TRMT9B: variants seen among roughly 807,000 people sequenced by gnomAD.
TRMT9B encodes tRNA methyltransferase 9B (putative), also known as probable tRNA methyltransferase 9B.
Under a neutral mutation model 11.5 loss-of-function variants are expected in TRMT9B, and 16 were observed. That is an observed-to-expected ratio of 1.39 (90% CI 0.94 to 2.11). The LOEUF is 2.11. Ranked by LOEUF, TRMT9B falls within the 30% of genes most tolerant of loss-of-function variation. The pLI, the probability that TRMT9B is intolerant of heterozygous loss-of-function variation, is 0.00. For missense variants in TRMT9B, 941 were observed against 553.8 expected, an observed-to-expected ratio of 1.70 and a Z score of -7.02; for synonymous variants, 274 against 192.4, an observed-to-expected ratio of 1.42 and a Z score of -3.51.
chr8:12,963,337 G>C (rs893874358), intron 1 of TRMT9B, among the ~76,000 whole-genome samples: 7 of 152,174 alleles, frequency 4.6e-5, no homozygotes, highest in Admixed American at 1.3e-4. Flanking sequence ...GGAGGCTGAG[G>C]CAGGAGAATT....
intron 2 of TRMT9B, among the ~76,000 whole-genome samples, chr8:12,997,828 G>A (rs942879423): frequency 6.6e-6 from 1 of 152,144 alleles, no homozygotes; most frequent in African/African-American, 2.4e-5. Flanking sequence ...CTGTCAGGCG[G>A]TTTTCCAAAC....
At chr8:12,988,256 C>G (rs1307146400) in intron 1 of TRMT9B, among the ~76,000 whole-genome samples, 1 of 152,172 alleles carries the variant, frequency 6.6e-6, no homozygotes, top group Non-Finnish European at 1.5e-5. Flanking sequence ...CGCCTATGTG[C>G]TCCTGTAGCA....
intron 1 of TRMT9B, among the ~76,000 whole-genome samples, chr8:12,950,478 C>G (rs146267230): frequency 6.6e-6 from 1 of 151,856 alleles, no homozygotes; most frequent in Non-Finnish European, 1.5e-5. Flanking sequence ...CAAGGATGAG[C>G]TGCTGCATTT....
rs748174202 is a variant in TRMT9B at position 13,029,670 on chromosome 8, C to G, written c.*7626C>G. The G allele has an allele frequency of 6.4e-6, 1 of 155,908 alleles. No homozygotes were observed. Among genetic ancestry groups the G allele is most frequent in the Non-Finnish European group, 1.5e-5 (1 of 68,020 alleles). The allele number at this position is 155,908 out of a possible 1,614,324, so 9.7% of individuals were successfully genotyped here. On this transcript the variant is annotated 3_prime_UTR_variant, in exon 5 of 5. Coordinates refer to ENST00000524591, the MANE Select transcript of TRMT9B (RefSeq NM_020844.3). ...TTCTGTTATATTTATCTAAGGGAAG[C>G]AAAATTAACCTTTTAATAATAGATT...
At chr8:13,011,445 T>A in intron 3 of TRMT9B, 1 of 985,410 alleles carries the variant, frequency 1.0e-6, no homozygotes, top group Non-Finnish European at 1.2e-6. Flanking sequence ...CATCTTTGAA[T>A]AGTGGTAGAT....
chr8:13,007,465 T>C (rs1446800780), intron 3 of TRMT9B: 1 of 152,172 alleles, frequency 6.6e-6, no homozygotes, highest in Non-Finnish European at 1.5e-5. Context: ...GAGTCGTAAG[T>C]CTGTAGTTGC....
chr8:13,026,075 G>A lies in TRMT9B; in HGVS notation c.*4031G>A, dbSNP rs555433787. 4 of 167,142 alleles carry A rather than the reference G, an allele frequency of 2.4e-5. No homozygotes were observed. The highest frequency in any genetic ancestry group is 1.3e-4 in the Admixed American group (2 of 15,290). 10.4% of individuals were successfully genotyped at this position (167,142 alleles called of 1,614,324 possible). On this transcript the variant is annotated 3_prime_UTR_variant, in exon 5 of 5. Coordinates refer to ENST00000524591, the MANE Select transcript of TRMT9B (RefSeq NM_020844.3). ...CTAACTCAGTACTTGAACTTGGTGG[G>A]GGAGGGCACAGGTTAAATATGAGCT... is the stretch of plus-strand genomic sequence containing the variant.
intron 1 of TRMT9B, among the ~76,000 whole-genome samples, chr8:12,956,310 C>A (rs982087028): frequency 2.0e-5 from 3 of 152,070 alleles, no homozygotes; most frequent in East Asian, 3.9e-4. Flanking sequence ...TAGAGATTGA[C>A]TTTGGAAAGG....
At chr8:12,979,997 C>T (rs2466261) in intron 1 of TRMT9B, among the ~76,000 whole-genome samples, 5,854 of 152,110 alleles carry the variant, frequency 0.038, 155 homozygotes, top group African/African-American at 0.068. Context: ...TTTGAATGAC[C>T]CGTTTTGCAT....
rs115818807 is a variant in TRMT9B, at chr8:13,009,261, G to A, written c.154+2905G>A. Among the ~76,000 whole-genome samples, 7 of 152,076 alleles carry A rather than the reference G, an allele frequency of 4.6e-5. No homozygotes were observed. The South Asian group carries it at 1.2e-3, about 27-fold the overall frequency. ...ACCTGGGGCTGGGGTGTCGAAGCGG[G>A]TGGGGTAGGTGTAGGAAATGGTAAG... On this transcript the variant is annotated intron_variant, in intron 3 of 4. Coordinates refer to ENST00000524591, the MANE Select transcript of TRMT9B (RefSeq NM_020844.3).
rs531575970 is a variant in TRMT9B at position 13,013,793 on chromosome 8, T to C, written c.328+936T>C. ...TGTGAAACCCCATCTCTACTAAAAATACAAAAATTAGCCGGGCATGGTACA... is the reference window on the plus strand; with the variant it reads ...TGTGAAACCCCATCTCTACTAAAAACACAAAAATTAGCCGGGCATGGTACA... On this transcript the variant is annotated intron_variant, in intron 4 of 4. Transcript: ENST00000524591. 2.6e-5 allele frequency among the ~76,000 whole-genome samples: 4 copies of C among 151,936 alleles called. No homozygotes were observed. The South Asian group carries it at 8.3e-4, about 32-fold the overall frequency.
rs538952174 is a variant in TRMT9B at position 13,021,306 on chromosome 8, A to T, written c.627A>T (p.Ser209=). Residue 209 remains serine (S), a synonymous_variant, in exon 5 of 5, where the codon TCA becomes TCT. Transcript: ENST00000524591. The part of the protein sequence containing the change: ...CSVCFKEQCG[S]KRSHSVGYEP... ...TTTGTTTTAAAGAGCAGTGTGGTTC[A>T]AAACGGTCCCACAGCGTGGGCTATG... 1 of 1,613,908 alleles carries T rather than the reference A, an allele frequency of 6.2e-7. No individual in the cohort carries two copies. Among genetic ancestry groups the T allele is most frequent in the South Asian group, 1.1e-5 (1 of 91,082 alleles).
chr8:12,994,844 G>A (rs1808050227), intron 2 of TRMT9B, among the ~76,000 whole-genome samples: 1 of 152,114 alleles, frequency 6.6e-6, no homozygotes, highest in South Asian at 2.1e-4. Flanking sequence ...ACCATGCCCG[G>A]CTAATGTTTG....
intron 1 of TRMT9B, among the ~76,000 whole-genome samples, chr8:12,969,713 G>A (rs1354177219): frequency 1.3e-5 from 2 of 151,630 alleles, no homozygotes; most frequent in East Asian, 1.9e-4. Flanking sequence ...ACCGCAGGCT[G>A]GAGTGTAGAG....
intron 1 of TRMT9B, among the ~76,000 whole-genome samples, chr8:12,972,129 TTA>T (rs1255942362): frequency 6.6e-6 from 1 of 152,076 alleles, no homozygotes; most frequent in African/African-American, 2.4e-5. Flanking sequence ...TAGACAGATA[TTA>T]GAGGACAAGC....
At chr8:12,989,835 C>T (rs550886741) in intron 1 of TRMT9B, among the ~76,000 whole-genome samples, 29 of 152,198 alleles carry the variant, frequency 1.9e-4, no homozygotes, top group South Asian at 4.1e-4. Flanking sequence ...GCTTCTTAAA[C>T]GCACTTCTAA....
At chr8:12,947,942 A>G (rs112555836) in intron 1 of TRMT9B, among the ~76,000 whole-genome samples, 2 of 152,220 alleles carry the variant, frequency 1.3e-5, no homozygotes, top group Non-Finnish European at 2.9e-5. Flanking sequence ...TCAAGGAATC[A>G]TGGCCGGCCA....
intron 1 of TRMT9B, among the ~76,000 whole-genome samples, chr8:12,975,224 T>C (rs541874378): frequency 6.6e-6 from 1 of 152,000 alleles, no homozygotes; most frequent in Admixed American, 6.5e-5. Context: ...AAAGAGTATA[T>C]GAGAAGAGAT....
At chr8:13,006,783 C>A in intron 3 of TRMT9B, 1 of 502,520 alleles carries the variant, frequency 2.0e-6, no homozygotes, top group Non-Finnish European at 2.9e-6. Context: ...ATTCTCCTGC[C>A]TCAGACTCCC....
Sources: gnomAD v4.1 joint callset for allele counts (sites outside exome capture counted in the v4.1 genomes callset) on GRCh38, gnomAD v4.1.1 for gene constraint, MANE v1.5 for transcripts, NCBI Gene and HGNC (gene_info 2026-07-23, HGNC 2026-07-21) for gene names.